Variants in CAPN5 observed in about 807,000 individuals in gnomAD.
CAPN5 encodes the protein calpain 5.
A neutral mutation model predicts 73.0 loss-of-function variants in CAPN5; 54 were observed. That is an observed-to-expected ratio of 0.74 (90% CI 0.59 to 0.93). CAPN5 has a LOEUF of 0.93. CAPN5 is among the 40% of genes least tolerant of loss of function. CAPN5 has a pLI of 0.00. For synonymous variants in CAPN5, 335 were observed against 356.9 expected (o/e 0.94, Z 0.69); for missense variants, 785 against 882.9 (o/e 0.89, Z 1.41).
chr11:77,122,531 G>GCCCCCCCCCCCCCCCTCCCCCCCACA, intron 11 of CAPN5, 45 bp from the exon 12 acceptor site: 1 of 1,228,404 alleles, frequency 8.1e-7, no homozygotes. Flanking sequence ...CCCTGCCACA[G>GCCCCCCCCCCCCCCCTCCCCCCCACA]CCCCCACCCC....
At chr11:77,104,575 T>G (rs1457046628) in intron 3 of CAPN5, among the ~76,000 whole-genome samples, 1 of 152,220 alleles carries the variant, frequency 6.6e-6, no homozygotes, top group African/African-American at 2.4e-5. Context: ...CAGATTCAGT[T>G]CTGACTCTTA....
Position 77,084,895 on chromosome 11 carries a change from G to A in CAPN5, c.9G>A (p.Ser3=), listed in dbSNP as rs182958020. The change falls in exon 2 of 13, where the codon TCG becomes TCA. Residue 3 remains serine (S), a synonymous_variant. Transcript: ENST00000648180. ...CTGGGGCAGCAGCCACCATGTTCTC[G>A]TGTGTGAAGCCCTATGAGGACCAGA... The part of the protein sequence containing the change: MF[S]CVKPYEDQNY... 94 of 1,614,070 alleles carry A rather than the reference G, an allele frequency of 5.8e-5. 1 individual carries two copies. In the Admixed American group the frequency reaches 9.7e-4, roughly 17 times the overall value.
intron 9 of CAPN5, 183 bp downstream of exon 9, chr11:77,119,335 C>T: frequency 1.5e-6 from 1 of 658,602 alleles, no homozygotes; most frequent in South Asian, 1.9e-5. Context: ...GAGGGCCCAG[C>T]CTGCCCAGCC....
At chr11:77,100,222 A>G (rs1950270453) in intron 3 of CAPN5, among the ~76,000 whole-genome samples, 1 of 152,094 alleles carries the variant, frequency 6.6e-6, no homozygotes. Flanking sequence ...TGCTACATCC[A>G]GCCTTGGGTG....
chr11:77,072,856 T>C (rs1334781237), intron 1 of CAPN5: 1 of 308,048 alleles, frequency 3.2e-6, no homozygotes, highest in Non-Finnish European at 6.5e-6. Flanking sequence ...GATTGAAAAA[T>C]AGTGTGTAGT....
At chr11:77,098,059 G>T (rs1950231766) in intron 3 of CAPN5, among the ~76,000 whole-genome samples, 2 of 88,804 alleles carry the variant, frequency 2.3e-5, no homozygotes, top group Admixed American at 1.9e-4. Flanking sequence ...GGGCAGAGGC[G>T]CCCCTCACCT....
chr11:77,072,704 C>T (rs1555033259), intron 1 of CAPN5, among the ~76,000 whole-genome samples: 1 of 152,224 alleles, frequency 6.6e-6, no homozygotes, highest in Non-Finnish European at 1.5e-5. Context: ...AGGAATGGCG[C>T]ACTTCAGTTT....
At chr11:77,120,513 C>T in intron 9 of CAPN5, 200 bp from the exon 10 acceptor site, 2 of 488,482 alleles carry the variant, frequency 4.1e-6, no homozygotes, top group Non-Finnish European at 7.2e-6. Context: ...CTTTAACCAC[C>T]ACCACCCATT....
intron 3 of CAPN5, among the ~76,000 whole-genome samples, chr11:77,095,017 G>A (rs1555037317): frequency 1.3e-5 from 2 of 152,316 alleles, no homozygotes; most frequent in South Asian, 2.1e-4. Flanking sequence ...ACCTCTCAAA[G>A]CCACTCCAGG....
chr11:77,118,179 C>A lies in CAPN5; in HGVS notation c.994C>A (p.Arg332=). The A allele has an allele frequency of 6.2e-7, 1 of 1,613,536 alleles. No individual in the cohort carries two copies. The highest frequency in any genetic ancestry group is 8.5e-7 in the Non-Finnish European group (1 of 1,179,666). ...CAGGATGACCTTCGAGGACGTGTGC[C>A]GGTACTTCACGGACATCATCAAGTG... is the stretch of plus-strand genomic sequence containing the variant. ...EFWMTFEDVC[R]YFTDIIKCRV... is the part of the protein sequence containing the mutation. The change falls in exon 8 of 13, where the codon CGG becomes AGG. Residue 332 remains arginine, a synonymous_variant. Coordinates refer to ENST00000648180, the MANE Select transcript of CAPN5 (RefSeq NM_004055.5).
At position 77,116,961 on chromosome 11, in the gene CAPN5, G is replaced by A. The variant is rs564301839; in HGVS notation, c.971+658G>A. Among the ~76,000 whole-genome samples, 13 of 152,278 alleles carry A rather than the reference G, an allele frequency of 8.5e-5. No individual in the cohort carries two copies. The South Asian group carries it at 2.7e-3, about 32-fold the overall frequency. ...GCTTAAAGAGCCCAGTAATTGGCTG[G>A]GTACAGTGGCTCATGTCTATAATCC... On this transcript the variant is annotated intron_variant, in intron 7 of 12. Transcript: ENST00000648180.
chr11:77,120,948 T>G (rs782287487), intron 10 of CAPN5, 39 bp downstream of exon 10: 2 of 1,581,078 alleles, frequency 1.3e-6, no homozygotes, highest in East Asian at 4.5e-5. Flanking sequence ...TGGGTGGGAG[T>G]GACATTCACA....
chr11:77,121,899 C>T (rs1555042854), intron 10 of CAPN5, 35 bp from the exon 11 acceptor site: 4 of 1,252,882 alleles, frequency 3.2e-6, no homozygotes, highest in South Asian at 1.4e-5. Flanking sequence ...TGGCCCTTCT[C>T]CATCACTCCC....
chr11:77,094,292 C>T (rs926019369), intron 3 of CAPN5, among the ~76,000 whole-genome samples: 1 of 152,222 alleles, frequency 6.6e-6, no homozygotes, highest in Non-Finnish European at 1.5e-5. Context: ...TTCCAAGCTG[C>T]TGGTGTTCTG....
intron 3 of CAPN5, among the ~76,000 whole-genome samples, chr11:77,108,884 G>A (rs965346700): frequency 6.6e-6 from 1 of 152,064 alleles, no homozygotes; most frequent in Non-Finnish European, 1.5e-5. Context: ...GTCCATAATT[G>A]CAATTGGTTG....
intron 1 of CAPN5, among the ~76,000 whole-genome samples, chr11:77,077,838 GC>G (rs1448812973): frequency 6.6e-6 from 1 of 152,084 alleles, no homozygotes; most frequent in Non-Finnish European, 1.5e-5. Context: ...TTTTTCATAT[GC>G]CTATTGACCA....
Position 77,122,013 on chromosome 11 carries a change from G to A in CAPN5, c.1567G>A (p.Val523Ile). The A allele has an allele frequency of 1.3e-6, 2 of 1,560,934 alleles. No homozygotes were observed. The highest frequency in any genetic ancestry group is 1.7e-6 in the Non-Finnish European group (2 of 1,152,288). Residue 523 changes from valine to isoleucine, a missense_variant, in exon 11 of 13, where the codon GTC becomes ATC. Physicochemically the swap from Val to Ile is conservative, Grantham distance 29. Coordinates refer to ENST00000648180, the MANE Select transcript of CAPN5 (RefSeq NM_004055.5). ...GYPQLVTQVH[V>I]LGAAGLKDSP... ...CCCCCAGCTGGTGACCCAGGTACAT[G>A]TCCTGGGAGCTGCTGGCCTCAAGGA...
Position 77,083,203 on chromosome 11 carries a change from G to A in CAPN5, c.-35-1649G>A, listed in dbSNP as rs1591115367. ...TATGGATATGGGGGCAGAAGGTGAA[G>A]TGGCTTGGGTGCAGAGCAGGGGACA... On this transcript the variant is annotated intron_variant, in intron 1 of 12. Coordinates refer to ENST00000648180, the MANE Select transcript of CAPN5 (RefSeq NM_004055.5). Among the ~76,000 whole-genome samples the A allele has an allele frequency of 3.3e-5, 5 of 152,364 alleles. No homozygotes were observed. The Middle Eastern group carries it at 0.017, about 518-fold the overall frequency.
chr11:77,118,444 AAT>A, intron 8 of CAPN5, 92 bp downstream of exon 8: 1 of 1,120,624 alleles, frequency 8.9e-7, no homozygotes, highest in Non-Finnish European at 1.3e-6. Context: ...GACCTTGGGT[AAT>A]CCCTGTCCTT....
Sources: gnomAD v4.1 joint callset for allele counts (sites outside exome capture counted in the v4.1 genomes callset) on GRCh38, gnomAD v4.1.1 for gene constraint, MANE v1.5 for transcripts, NCBI Gene and HGNC (gene_info 2026-07-23, HGNC 2026-07-21) for gene names.